Variants in EXOC2 observed in about 807,000 individuals in gnomAD.
The protein encoded by EXOC2 is exocyst complex component 2, also known as SEC5-like 1.
EXOC2 carries 70 observed loss-of-function variants against 131.8 expected under a neutral mutation model. The ratio of observed to expected loss-of-function variants is 0.53; its 90% CI spans 0.44 to 0.65. The LOEUF is 0.65. Among genes scored for constraint, EXOC2 ranks in the 30% least tolerant of loss-of-function variants. The pLI is 0.00. For missense variants in EXOC2, 923 were observed against 1,108.6 expected (o/e 0.83, Z 2.38); for synonymous variants, 411 against 398.4 (o/e 1.03, Z -0.38).
At position 486,633 on chromosome 6, in the gene EXOC2, C is replaced by G. The variant is rs762308442; in HGVS notation, c.*38G>C. 92 of 1,522,954 alleles carry G rather than the reference C, an allele frequency of 6.0e-5. 1 individual carries two copies. In the South Asian group the frequency reaches 8.5e-4, roughly 14 times the overall value. 94.3% of individuals were successfully genotyped at this position (1,522,954 alleles called of 1,614,324 possible). Reference sequence around the variant, plus strand: ...ACTTAGAGAGTGAACAGTCTTATTACGTGTTATTTTCCTGGACTTCTTTTA... The same window carrying G: ...ACTTAGAGAGTGAACAGTCTTATTAGGTGTTATTTTCCTGGACTTCTTTTA... On this transcript the variant is annotated 3_prime_UTR_variant, in exon 28 of 28. Coordinates refer to ENST00000230449, the MANE Select transcript of EXOC2 (RefSeq NM_018303.6).
intron 23 of EXOC2, among the ~76,000 whole-genome samples, chr6:515,086 C>G (rs889464894): frequency 1.1e-4 from 17 of 152,208 alleles, no homozygotes; most frequent in Admixed American, 6.5e-4. Flanking sequence ...GGCTTTTATA[C>G]AGTATCATGC....
In EXOC2 at chr6:525,487, A is replaced by G. The variant is rs1364417738; in HGVS notation, c.2380+6982T>C. The G allele has an allele frequency of 2.6e-5, 4 of 152,238 alleles. No individual in the cohort carries two copies. The East Asian group carries it at 7.7e-4, about 29-fold the overall frequency. The allele number at this position is 152,238 out of a possible 1,614,324, so 9.4% of individuals were successfully genotyped here. On this transcript the variant is annotated intron_variant, in intron 23 of 27. Coordinates refer to ENST00000230449, the MANE Select transcript of EXOC2 (RefSeq NM_018303.6). ...TGAAAATATCAGGAAAAACTGTCAA[A>G]TGACTTGCAGAAACCTAAATTCACC...
At chr6:687,231 G>C (rs1441194530) in intron 1 of EXOC2, among the ~76,000 whole-genome samples, 1 of 127,460 alleles carries the variant, frequency 7.8e-6, no homozygotes, top group Non-Finnish European at 1.6e-5. Context: ...GGCTGCTGGA[G>C]TGCAGTGGTG....
chr6:486,823 G>A, intron 27 of EXOC2, 59 bp from the exon 28 acceptor site: 1 of 1,373,614 alleles, frequency 7.3e-7, no homozygotes, highest in Non-Finnish European at 1.0e-6. Context: ...AGCAACGCAA[G>A]AAAACACCAG....
At chr6:583,495 A>C (rs1363596461) in intron 11 of EXOC2, among the ~76,000 whole-genome samples, 3 of 152,152 alleles carry the variant, frequency 2.0e-5, no homozygotes, top group African/African-American at 7.2e-5. Flanking sequence ...AGGAGACACA[A>C]AAAAAAGAGA....
At chr6:619,209 T>G (rs1414231124) in intron 5 of EXOC2, among the ~76,000 whole-genome samples, 1 of 152,164 alleles carries the variant, frequency 6.6e-6, no homozygotes, top group African/African-American at 2.4e-5. Context: ...GAACATAAAA[T>G]GACAGTAGGA....
chr6:523,750 C>T (rs1561814166), intron 23 of EXOC2, among the ~76,000 whole-genome samples: 2 of 152,230 alleles, frequency 1.3e-5, no homozygotes, highest in South Asian at 4.1e-4. Context: ...GTGGTGCAAT[C>T]ATAGCTCACT....
intron 4 of EXOC2, among the ~76,000 whole-genome samples, chr6:625,518 CTTTTTTTTT>C (rs796295514): frequency 9.3e-6 from 1 of 108,058 alleles, no homozygotes; most frequent in Admixed American, 1.0e-4. Flanking sequence ...TGTTTCCGTT[CTTTTTTTTT>C]TTTTTTTTTT....
intron 1 of EXOC2, chr6:669,053 T>G (rs1000603483): frequency 6.6e-6 from 1 of 152,282 alleles, no homozygotes; most frequent in Admixed American, 6.6e-5. Context: ...AACTGGTATG[T>G]TTGCTCCTCG....
chr6:594,056 C>A (rs1485524381), intron 10 of EXOC2, among the ~76,000 whole-genome samples: 1 of 152,196 alleles, frequency 6.6e-6, no homozygotes, highest in Non-Finnish European at 1.5e-5. Flanking sequence ...CTTGTGACCA[C>A]CTACAGGTTG....
chr6:555,696 G>A (rs1355036694), intron 19 of EXOC2, among the ~76,000 whole-genome samples: 1 of 152,126 alleles, frequency 6.6e-6, no homozygotes, highest in Non-Finnish European at 1.5e-5. Context: ...TGCTCGAACA[G>A]AATACATAGA....
chr6:692,643 G>A (rs1764987898), intron 1 of EXOC2, among the ~76,000 whole-genome samples: 2 of 152,268 alleles, frequency 1.3e-5, no homozygotes, highest in South Asian at 4.1e-4. Context: ...TCACTTTTCC[G>A]GAGAAATTCT....
intron 25 of EXOC2, among the ~76,000 whole-genome samples, chr6:494,699 C>T (rs927052793): frequency 9.2e-5 from 14 of 152,070 alleles, no homozygotes; most frequent in African/African-American, 1.9e-4. Flanking sequence ...ATACAGTATA[C>T]GTATATGTCT....
chr6:514,095 C>T (rs1424053966), intron 23 of EXOC2, among the ~76,000 whole-genome samples: 5 of 152,328 alleles, frequency 3.3e-5, no homozygotes, highest in African/African-American at 7.2e-5. Context: ...GACAGTGTTT[C>T]GTCTGGACTT....
chr6:651,877 G>C (rs1403805102), intron 1 of EXOC2, among the ~76,000 whole-genome samples: 2 of 151,654 alleles, frequency 1.3e-5, no homozygotes, highest in Admixed American at 6.6e-5. Context: ...TGAACATAGT[G>C]AAACCCCACC....
intron 18 of EXOC2, 98 bp from the exon 19 acceptor site, chr6:556,111 T>A: frequency 9.1e-7 from 1 of 1,094,098 alleles, no homozygotes; most frequent in Admixed American, 1.8e-5. Context: ...GGAACGCTGC[T>A]GCAGGAGTGG....
intron 1 of EXOC2, among the ~76,000 whole-genome samples, chr6:690,038 AAAT>A (rs1490965581): frequency 6.6e-6 from 1 of 152,176 alleles, no homozygotes; most frequent in Non-Finnish European, 1.5e-5. Context: ...CCTAAGCCAA[AAAT>A]ACCTTTTGAC....
rs146930380 is a variant in EXOC2, at chr6:661,064, G to A, written c.-43-23203C>T. 5.7e-3 allele frequency among the ~76,000 whole-genome samples: 868 copies of A among 152,226 alleles called. 8 individuals are homozygous for A. Among genetic ancestry groups the A allele is most frequent in the African/African-American group, 0.019 (771 of 41,556 alleles). On this transcript the variant is annotated intron_variant, in intron 1 of 27. Transcript: ENST00000230449. ...AGTAGAAGGAAGAAATTCAGAGCTC[G>A]AAGGTCTACAAATTAACCAATCCAA...
At chr6:572,430 A>C in intron 13 of EXOC2, 90 bp downstream of exon 13, 1 of 1,482,518 alleles carries the variant, frequency 6.7e-7, no homozygotes, top group Non-Finnish European at 9.0e-7. Context: ...TTGGGCCTCT[A>C]CATTTTAAAA....
Sources: allele counts gnomAD v4.1 joint callset (sites outside exome capture counted in the v4.1 genomes callset), GRCh38; gene constraint gnomAD v4.1.1; transcripts MANE v1.5; gene names NCBI Gene and HGNC (gene_info 2026-07-23, HGNC 2026-07-21).